INTS2: variants seen among roughly 807,000 people sequenced by gnomAD.
INTS2 encodes KIAA1287.
A neutral mutation model predicts 139.6 loss-of-function variants in INTS2; 57 were observed. That is an observed-to-expected ratio of 0.41 (90% CI 0.33 to 0.51). INTS2 has a LOEUF of 0.51. INTS2 is among the 20% of genes least tolerant of loss of function. The pLI, the probability that INTS2 is intolerant of heterozygous loss-of-function variation, is 0.28. For synonymous variants in INTS2, 473 were observed against 493.4 expected, an observed-to-expected ratio of 0.96 and a Z score of 0.55; for missense variants, 1,196 against 1,436.7, an observed-to-expected ratio of 0.83 and a Z score of 2.71.
chr17:61,888,893 C>G (rs1024387635), intron 15 of INTS2, among the ~76,000 whole-genome samples: 6 of 151,936 alleles, frequency 3.9e-5, no homozygotes, highest in African/African-American at 1.5e-4. Flanking sequence ...GGCGTCGTAG[C>G]AGGCGCCTGT....
At chr17:61,911,395 G>T in intron 7 of INTS2, 125 bp downstream of exon 7, 1 of 693,740 alleles carries the variant, frequency 1.4e-6, no homozygotes, top group Non-Finnish European at 2.2e-6. Context: ...AATATAAGGA[G>T]GTCCCTGAAA....
At chr17:61,894,898 G>C (rs2079331602) in intron 12 of INTS2, among the ~76,000 whole-genome samples, 1 of 151,966 alleles carries the variant, frequency 6.6e-6, no homozygotes, top group Non-Finnish European at 1.5e-5. Flanking sequence ...AAGTGCTAAG[G>C]CTAAAGAAGA....
In INTS2 at chr17:61,870,725, C is replaced by CT. The variant is rs1265332921; in HGVS notation, c.2779-738dup. On this transcript the variant is annotated intron_variant, in intron 20 of 24. Transcript: ENST00000251334. This position sits in a 1 kb window ranked among gnomAD's most constrained non-coding sequence, Gnocchi z 4.4. Reference sequence around the variant, plus strand: ...ATTACTTGAGCTAAGTGATTAAGAACTTATTATAAAGTGAGGTTAGACTAC... The same window carrying CT: ...ATTACTTGAGCTAAGTGATTAAGAACTTTATTATAAAGTGAGGTTAGACTAC... Among the ~76,000 whole-genome samples, 6 of 152,186 alleles carry CT rather than the reference C, an allele frequency of 3.9e-5. No homozygotes were observed. Among genetic ancestry groups the CT allele is most frequent in the Admixed American group, 2.6e-4 (4 of 15,274 alleles).
rs1414767652 is a variant in INTS2, at chr17:61,875,307, T to TA, written c.2457-270dup. ...TGGCATATAAAATTAAAACCTGAGTTAAAACCTTAGTTATACCATACTTGC... is the reference window on the plus strand; with the variant it reads ...TGGCATATAAAATTAAAACCTGAGTTAAAAACCTTAGTTATACCATACTTGC... On this transcript the variant is annotated intron_variant, in intron 18 of 24. Transcript: ENST00000251334. The surrounding 1 kb of genome is among the most constrained non-coding windows in gnomAD (Gnocchi z 4.6). Among the ~76,000 whole-genome samples, 1 of 152,214 alleles carries TA rather than the reference T, an allele frequency of 6.6e-6. No individual in the cohort carries two copies.
In INTS2 at chr17:61,897,328, T is replaced by C. The variant is rs1204646692; in HGVS notation, c.1494+141A>G. 9 of 557,096 alleles carry C rather than the reference T, an allele frequency of 1.6e-5. No homozygotes were observed. The East Asian group carries it at 2.7e-4, about 17-fold the overall frequency. 34.5% of individuals were successfully genotyped at this position (557,096 alleles called of 1,614,324 possible). On this transcript the variant is annotated intron_variant, in intron 11 of 24. Transcript: ENST00000251334. The surrounding 1 kb of genome is among the most constrained non-coding windows in gnomAD (Gnocchi z 4.4). Reference sequence around the variant, plus strand: ...ATTTTAGTAAATACAGGTTTCAAAATGCATTTTTCTAAGCGCTCTTGATAA... The same window carrying C: ...ATTTTAGTAAATACAGGTTTCAAAACGCATTTTTCTAAGCGCTCTTGATAA...
intron 11 of INTS2, 97 bp from the exon 12 acceptor site, chr17:61,895,480 G>A (rs2079337974): frequency 6.3e-6 from 4 of 639,918 alleles, no homozygotes; most frequent in Middle Eastern, 3.8e-4. Context: ...ACACATAAAT[G>A]TTCAAATGTT....
At chr17:61,874,100 G>A (rs1221648017) in intron 19 of INTS2, 2 of 151,986 alleles carry the variant, frequency 1.3e-5, no homozygotes, top group Non-Finnish European at 2.9e-5. Flanking sequence ...TTTAAATAAA[G>A]CAGTGGGAGT....
rs35652350 is a variant in INTS2, at chr17:61,878,931, C to CAAAAAAAAA, written c.2255-852_2255-844dup. ...GAGACTGGGCAACAGACCCTGTCTC[C>CAAAAAAAAA]AAAAAAAAAAAAAAAAAAAAAAACA... On this transcript the variant is annotated intron_variant, in intron 17 of 24. Transcript: ENST00000251334. Among the ~76,000 whole-genome samples, 122 of 46,580 alleles carry CAAAAAAAAA rather than the reference C, an allele frequency of 2.6e-3. 12 individuals are homozygous for CAAAAAAAAA. The highest frequency in any genetic ancestry group is 0.013 in the African/African-American group (119 of 9,520). 30.6% of individuals were successfully genotyped at this position (46,580 alleles called of 152,430 possible).
At position 61,871,265 on chromosome 17, in the gene INTS2, T is replaced by C. The variant is rs1224519618; in HGVS notation, c.2778+1000A>G. On this transcript the variant is annotated intron_variant, in intron 20 of 24. Coordinates refer to ENST00000251334, the MANE Select transcript of INTS2 (RefSeq NM_001351695.2). This position sits in a 1 kb window ranked among gnomAD's most constrained non-coding sequence, Gnocchi z 4.9. The stretch of plus-strand genomic sequence containing the variant: ...CCTCCCAAGTAGCTGGGACTACAGG[T>C]TTGGGCCACCACGCCCGGCTAATTT... 6.6e-6 allele frequency among the ~76,000 whole-genome samples: 1 copy of C among 151,860 alleles called. No individual in the cohort carries two copies. The highest frequency in any genetic ancestry group is 1.9e-4 in the East Asian group (1 of 5,160).
In INTS2 at chr17:61,868,029, C is replaced by T; in HGVS notation, c.3245-20G>A. ...TTAAAACTGTTGGAAAAAAATGAAA[C>T]AATATTTTAGTTTACAAATATAAAT... On this transcript the variant is annotated intron_variant, in intron 23 of 24. Coordinates refer to ENST00000251334, the MANE Select transcript of INTS2 (RefSeq NM_001351695.2). This position sits in a 1 kb window ranked among gnomAD's most constrained non-coding sequence, Gnocchi z 4.7. The T allele has an allele frequency of 6.5e-7, 1 of 1,531,920 alleles. No individual in the cohort carries two copies. The highest frequency in any genetic ancestry group is 1.2e-5 in the South Asian group (1 of 80,284). 94.9% of individuals were successfully genotyped at this position (1,531,920 alleles called of 1,614,324 possible).
Position 61,927,764 on chromosome 17 carries a change from GGAACCCCAAACCCTAGTTGTGCCTCGA to G in INTS2, c.-156_-130del. ...CCGATGTTGGGCCTAGGCGATATCCGGAACCCCAAACCCTAGTTGTGCCTCGAGTCGACTCGGACACCAAGAACTCAG... is the reference window on the plus strand; with the variant it reads ...CCGATGTTGGGCCTAGGCGATATCCGGTCGACTCGGACACCAAGAACTCAG... On this transcript the variant is annotated 5_prime_UTR_variant, in exon 1 of 25. Coordinates refer to ENST00000251334, the MANE Select transcript of INTS2 (RefSeq NM_001351695.2). 6.4e-7 allele frequency: 1 copy of G among 1,550,678 alleles called. No individual in the cohort carries two copies. Among genetic ancestry groups the G allele is most frequent in the Non-Finnish European group, 8.7e-7 (1 of 1,150,222 alleles).
In INTS2 at chr17:61,868,108, T is replaced by G. The variant is rs547240861; in HGVS notation, c.3245-99A>C. 4 of 973,200 alleles carry G rather than the reference T, an allele frequency of 4.1e-6. No individual in the cohort carries two copies. Among genetic ancestry groups the G allele is most frequent in the Non-Finnish European group, 5.8e-6 (4 of 692,350 alleles). The allele number at this position is 973,200 out of a possible 1,614,324, so 60.3% of individuals were successfully genotyped here. ...GGAACTATGCTCTGTGCTGGAGATA[T>G]GAAGTTCTCTAAACACAGCCAACCC... On this transcript the variant is annotated intron_variant, in intron 23 of 24. Transcript: ENST00000251334. The surrounding 1 kb of genome is among the most constrained non-coding windows in gnomAD (Gnocchi z 4.7).
Position 61,926,456 on chromosome 17 carries a change from G to A in INTS2, c.189C>T (p.Ile63=). The A allele has an allele frequency of 6.2e-7, 1 of 1,613,988 alleles. No homozygotes were observed. The highest frequency in any genetic ancestry group is 8.5e-7 in the Non-Finnish European group (1 of 1,179,872). ...SQSWAQDKKL[I]LRLLSGVEAV... ...CTTCCACTCCAGAAAGAAGGCGAAG[G>A]ATGAGTTTCTTATCCTGAGCCCAGC... is the stretch of plus-strand genomic sequence containing the variant. Residue 63 remains isoleucine, a synonymous_variant, in exon 2 of 25, where the codon ATC becomes ATT. Coordinates refer to ENST00000251334, the MANE Select transcript of INTS2 (RefSeq NM_001351695.2).
intron 16 of INTS2, among the ~76,000 whole-genome samples, chr17:61,883,879 T>TA (rs1567894681): frequency 2.0e-5 from 3 of 151,548 alleles, no homozygotes; most frequent in African/African-American, 7.3e-5. Flanking sequence ...CGTGGTGGCA[T>TA]AGGCCTGTAG....
At chr17:61,918,964 G>A (rs1175409918) in intron 5 of INTS2, among the ~76,000 whole-genome samples, 3 of 137,912 alleles carry the variant, frequency 2.2e-5, no homozygotes, top group Admixed American at 8.0e-5. Context: ...TCGCCCTGTC[G>A]CCCAGGCCGG....
rs182709572 is a variant in INTS2 at position 61,913,045 on chromosome 17, C to T, written c.650-975G>A. Among the ~76,000 whole-genome samples, 304 of 152,212 alleles carry T rather than the reference C, an allele frequency of 2.0e-3. 1 individual carries two copies. Among genetic ancestry groups the T allele is most frequent in the African/African-American group, 7.1e-3 (293 of 41,520 alleles). ...GAGCCGAGATCACACCACTGCACTT[C>T]AGCCTGGGTGACACAGCAAGACTCC... On this transcript the variant is annotated intron_variant, in intron 5 of 24. Coordinates refer to ENST00000251334, the MANE Select transcript of INTS2 (RefSeq NM_001351695.2).
chr17:61,904,663 T>C, intron 8 of INTS2, 78 bp from the exon 9 acceptor site: 1 of 1,265,398 alleles, frequency 7.9e-7, no homozygotes, highest in South Asian at 1.5e-5. Flanking sequence ...ACCTTTTAGT[T>C]ACAAATTTTA....
intron 17 of INTS2, among the ~76,000 whole-genome samples, 196 bp from the exon 18 acceptor site, chr17:61,878,284 T>C (rs956549522): frequency 6.6e-6 from 1 of 152,144 alleles, no homozygotes; most frequent in African/African-American, 2.4e-5. Flanking sequence ...AAGGGCCAGA[T>C]GGATGCGGTG....
intron 9 of INTS2, among the ~76,000 whole-genome samples, chr17:61,899,773 A>T (rs1304230791): frequency 6.6e-6 from 1 of 151,882 alleles, no homozygotes; most frequent in African/African-American, 2.4e-5. Flanking sequence ...TTAGACAGGC[A>T]TGGTGGCGCA....
Sources: gnomAD v4.1 joint callset for allele counts (sites outside exome capture counted in the v4.1 genomes callset) on GRCh38, gnomAD v4.1.1 for gene constraint, Gnocchi (gnomAD v3.1) non-coding constraint, MANE v1.5 for transcripts, NCBI Gene and HGNC (gene_info 2026-07-23, HGNC 2026-07-21) for gene names.